FRMPD1: variants seen among roughly 807,000 people sequenced by gnomAD.
The protein encoded by FRMPD1 is FERM and PDZ domain-containing protein 1.
In FRMPD1, 76 loss-of-function variants were observed where a neutral mutation model predicts 117.8. The observed-to-expected ratio is 0.65, with a 90% CI of 0.54 to 0.78. The LOEUF (loss-of-function observed/expected upper bound fraction) is 0.78. Among genes scored for constraint, FRMPD1 ranks in the 30% least tolerant of loss-of-function variants. The pLI is 0.00. For missense variants in FRMPD1, 1,786 were observed against 1,964.5 expected (o/e 0.91, Z 1.72); for synonymous variants, 783 against 770.4 (o/e 1.02, Z -0.27).
chr9:37,649,288 T>G (rs907134620), upstream of FRMPD1, among the ~76,000 whole-genome samples: 2 of 152,232 alleles, frequency 1.3e-5, no homozygotes, highest in Non-Finnish European at 2.9e-5. Context: ...CACATGCAAT[T>G]GTTAAGAAAT....
chr9:37,650,268 TGA>T (rs1820623156), upstream of FRMPD1, among the ~76,000 whole-genome samples: 1 of 151,998 alleles, frequency 6.6e-6, no homozygotes, highest in Non-Finnish European at 1.5e-5. Context: ...GGGGAGTGGG[TGA>T]GACGGCTCAG....
At chr9:37,711,143 C>T (rs1009097787) in intron 4 of FRMPD1, among the ~76,000 whole-genome samples, 11 of 152,142 alleles carry the variant, frequency 7.2e-5, no homozygotes, top group East Asian at 1.9e-4. Flanking sequence ...CTCTCTGGGT[C>T]AGCTTAAGTT....
At chr9:37,741,791 C>G (rs534109817) in intron 15 of FRMPD1, among the ~76,000 whole-genome samples, 2 of 152,272 alleles carry the variant, frequency 1.3e-5, no homozygotes, top group Admixed American at 1.3e-4. Flanking sequence ...TGTTTTTTCC[C>G]CCTCCTCCAG....
At chr9:37,717,519 A>G (rs1442747637) in intron 5 of FRMPD1, among the ~76,000 whole-genome samples, 1 of 151,680 alleles carries the variant, frequency 6.6e-6, no homozygotes, top group Non-Finnish European at 1.5e-5. Flanking sequence ...AGCTAGGACT[A>G]AAGGCATGCA....
At chr9:37,713,453 C>G (rs1822984940) in intron 5 of FRMPD1, among the ~76,000 whole-genome samples, 1 of 151,902 alleles carries the variant, frequency 6.6e-6, no homozygotes, top group South Asian at 2.1e-4. Context: ...TCTACAAACA[C>G]AAAAACAAAA....
chr9:37,639,149 T>A, the FRMPD1 span, among the ~76,000 whole-genome samples: 4 of 152,252 alleles, frequency 2.6e-5, no homozygotes, highest in Non-Finnish European at 5.9e-5. Context: ...ACTAATGGGA[T>A]GTGTGTGCCT....
At chr9:37,619,822 C>T in the FRMPD1 span, among the ~76,000 whole-genome samples, 6 of 151,236 alleles carry the variant, frequency 4.0e-5, no homozygotes, top group East Asian at 5.8e-4. Context: ...GGGACCCTGC[C>T]GTATAGTCTT....
chr9:37,731,733 C>T (rs1481366149), intron 9 of FRMPD1, among the ~76,000 whole-genome samples: 1 of 152,020 alleles, frequency 6.6e-6, no homozygotes, highest in Non-Finnish European at 1.5e-5. Context: ...ATTAGCCAGC[C>T]GTGGTGGCAC....
intron 2 of FRMPD1, among the ~76,000 whole-genome samples, chr9:37,695,397 G>A (rs542814196): frequency 6.6e-6 from 1 of 152,212 alleles, no homozygotes; most frequent in South Asian, 2.1e-4. Context: ...CATTTCCTTG[G>A]TGGTTAATGA....
At chr9:37,646,276 G>T (rs1417677940), upstream of FRMPD1, among the ~76,000 whole-genome samples, 3 of 152,168 alleles carry the variant, frequency 2.0e-5, no homozygotes, top group Non-Finnish European at 4.4e-5. Context: ...ATCCAATGTG[G>T]ATTCACTTCA....
chr9:37,649,647 C>T (rs775771146), upstream of FRMPD1, among the ~76,000 whole-genome samples: 6 of 152,188 alleles, frequency 3.9e-5, no homozygotes, highest in Non-Finnish European at 7.3e-5. Flanking sequence ...TAGTCTTCCC[C>T]CACCGCCCTT....
intron 13 of FRMPD1, 42 bp downstream of exon 13, chr9:37,735,776 T>C (rs777585087): frequency 2.0e-6 from 3 of 1,482,184 alleles, no homozygotes; most frequent in Admixed American, 3.5e-5. Context: ...CTGCTGGAAT[T>C]TGGGGCCAAA....
At chr9:37,743,902 A>C (rs953008440) in intron 15 of FRMPD1, among the ~76,000 whole-genome samples, 2 of 144,158 alleles carry the variant, frequency 1.4e-5, no homozygotes, top group Non-Finnish European at 1.5e-5. Flanking sequence ...CTCAAAAAAA[A>C]AGAAAAAAAA....
At chr9:37,694,869 G>A (rs1369841239) in intron 2 of FRMPD1, among the ~76,000 whole-genome samples, 1 of 152,090 alleles carries the variant, frequency 6.6e-6, no homozygotes, top group Non-Finnish European at 1.5e-5. Context: ...ACATGGATCA[G>A]TATGACATGT....
chr9:37,626,054 C>T, the FRMPD1 span, among the ~76,000 whole-genome samples: 4 of 152,140 alleles, frequency 2.6e-5, no homozygotes, highest in Non-Finnish European at 5.9e-5. Context: ...TGGCTGGGCG[C>T]GGTGGCTCAT....
At chr9:37,616,117 CTTTTTTTTTT>C in the FRMPD1 span, among the ~76,000 whole-genome samples, 5 of 96,770 alleles carry the variant, frequency 5.2e-5, 1 homozygote, top group African/African-American at 2.0e-4. Flanking sequence ...GTGCCCAGCC[CTTTTTTTTTT>C]TTTTTTTTTT....
At chr9:37,682,718 G>C (rs1388516370) in intron 1 of FRMPD1, among the ~76,000 whole-genome samples, 4 of 152,106 alleles carry the variant, frequency 2.6e-5, no homozygotes, top group African/African-American at 4.8e-5. Context: ...CAGTCTTCCA[G>C]GTGCTTCTAA....
chr9:37,651,643 T>G (rs1588899359), intron 1 of FRMPD1, among the ~76,000 whole-genome samples: 1 of 152,272 alleles, frequency 6.6e-6, no homozygotes, highest in East Asian at 1.9e-4. Flanking sequence ...GCAGCAGCTT[T>G]GACTGAGCTT....
At position 37,745,150 on chromosome 9, in the gene FRMPD1, G is replaced by A. The variant is rs772506032; in HGVS notation, c.3118G>A (p.Asp1040Asn). 1 of 1,614,050 alleles carries A rather than the reference G, an allele frequency of 6.2e-7. No homozygotes were observed. The highest frequency in any genetic ancestry group is 8.5e-7 in the Non-Finnish European group (1 of 1,180,024). Residue 1040 changes from aspartate to asparagine, a missense_variant, in exon 16 of 16, where the codon GAC becomes AAC. Coordinates refer to ENST00000377765, the MANE Select transcript of FRMPD1 (RefSeq NM_014907.3). ...AGGACTAAATAATGTCTCTCAAGGA[G>A]ACACACTAGAGCTCCAGTTGGAGCC... The part of the protein sequence containing the change: ...NPGLNNVSQG[D>N]TLELQLEPHV...
Sources: gnomAD v4.1 joint callset for allele counts (sites outside exome capture counted in the v4.1 genomes callset) on GRCh38, gnomAD v4.1.1 for gene constraint, MANE v1.5 for transcripts, NCBI Gene and HGNC (gene_info 2026-07-23, HGNC 2026-07-21) for gene names.